The following RASAL2 variants were observed in gnomAD, a reference collection of about 807,000 sequenced individuals.
RASAL2 encodes the protein RAS protein activator like 2.
Under a neutral mutation model 128.9 loss-of-function variants are expected in RASAL2, and 58 were observed. That is an observed-to-expected ratio of 0.45 (90% CI 0.36 to 0.56). RASAL2 has a LOEUF of 0.56. RASAL2 is among the 20% of genes least tolerant of loss of function. The probability of loss-of-function intolerance (pLI) is 0.00; values close to 1 mark genes in which losing one functional copy is unlikely to be tolerated. For missense variants in RASAL2, 1,360 were observed against 1,601.6 expected, an observed-to-expected ratio of 0.85 and a Z score of 2.57; for synonymous variants, 561 against 580.8, an observed-to-expected ratio of 0.97 and a Z score of 0.49.
chr1:178,358,237 T>TTAAAAAA (rs1176010811), intron 3 of RASAL2, among the ~76,000 whole-genome samples: 5 of 34,770 alleles, frequency 1.4e-4, no homozygotes, highest in African/African-American at 3.3e-4. Context: ...CTCTGTCTCC[T>TTAAAAAA]AAAAAAAAAA....
chr1:178,400,605 GT>G (rs1673557614), intron 4 of RASAL2, among the ~76,000 whole-genome samples: 1 of 152,006 alleles, frequency 6.6e-6, no homozygotes, highest in Admixed American at 6.5e-5. Flanking sequence ...AATATTAAAT[GT>G]TTGATATTTT....
At chr1:178,457,028 A>C (rs1375133568) in intron 13 of RASAL2, 129 bp downstream of exon 13, 3 of 819,604 alleles carry the variant, frequency 3.7e-6, no homozygotes, top group Non-Finnish European at 5.6e-6. Context: ...ATCTGACCTG[A>C]GAGCAGTCCA....
intron 3 of RASAL2, among the ~76,000 whole-genome samples, chr1:178,359,416 A>G (rs982701680): frequency 6.6e-6 from 1 of 152,190 alleles, no homozygotes; most frequent in African/African-American, 2.4e-5. Flanking sequence ...AAACTTAAAT[A>G]TAGCAGGTCA....
At chr1:178,347,407 A>G (rs181221481) in intron 3 of RASAL2, among the ~76,000 whole-genome samples, 90 of 152,302 alleles carry the variant, frequency 5.9e-4, no homozygotes, top group African/African-American at 2.0e-3. Context: ...CTTATGTTAC[A>G]TTTTCTCTGA....
chr1:178,117,162 A>G (rs1659547381), intron 1 of RASAL2, among the ~76,000 whole-genome samples: 1 of 152,192 alleles, frequency 6.6e-6, no homozygotes, highest in Non-Finnish European at 1.5e-5. Context: ...AAAAATCAAA[A>G]TATTCCCTTA....
At chr1:178,462,721 G>C (rs999804387) in intron 14 of RASAL2, among the ~76,000 whole-genome samples, 1 of 152,040 alleles carries the variant, frequency 6.6e-6, no homozygotes, top group African/African-American at 2.4e-5. Flanking sequence ...CAAAGTGCTA[G>C]GATATATTAG....
At chr1:178,146,027 G>A (rs963992244) in intron 1 of RASAL2, among the ~76,000 whole-genome samples, 1 of 152,196 alleles carries the variant, frequency 6.6e-6, no homozygotes, top group Non-Finnish European at 1.5e-5. Context: ...TAGGAAAATA[G>A]CATTCTCTTC....
At chr1:178,244,871 C>T (rs1285973909) in intron 1 of RASAL2, among the ~76,000 whole-genome samples, 1 of 152,150 alleles carries the variant, frequency 6.6e-6, no homozygotes, top group Admixed American at 6.5e-5. Context: ...GTGATGGTTT[C>T]CAACTTCATC....
intron 14 of RASAL2, 73 bp downstream of exon 14, chr1:178,458,617 A>G: frequency 6.7e-7 from 1 of 1,483,250 alleles, no homozygotes; most frequent in Non-Finnish European, 9.0e-7. Context: ...TACATAAATC[A>G]TTGGGAAATC....
intron 1 of RASAL2, among the ~76,000 whole-genome samples, chr1:178,124,658 C>G (rs1336403549): frequency 6.6e-6 from 1 of 151,988 alleles, no homozygotes; most frequent in South Asian, 2.1e-4. Flanking sequence ...CCTAAGTTTT[C>G]TTTCAACAGC....
intron 1 of RASAL2, among the ~76,000 whole-genome samples, chr1:178,214,179 T>G (rs1203366236): frequency 6.6e-6 from 1 of 152,114 alleles, no homozygotes; most frequent in African/African-American, 2.4e-5. Flanking sequence ...CTGAAGCAAG[T>G]GGATCACTTG....
intron 1 of RASAL2, among the ~76,000 whole-genome samples, chr1:178,272,744 A>G (rs961816118): frequency 6.6e-6 from 1 of 152,210 alleles, no homozygotes; most frequent in Admixed American, 6.5e-5. Flanking sequence ...CCTGGCCAAC[A>G]TGGTTAAACC....
intron 14 of RASAL2, among the ~76,000 whole-genome samples, chr1:178,463,224 A>G (rs1647287956): frequency 6.6e-6 from 1 of 152,146 alleles, no homozygotes; most frequent in Admixed American, 6.5e-5. Flanking sequence ...AGGCTAACTC[A>G]CATGCCAAGT....
At chr1:178,449,041 C>T (rs1677202617) in intron 9 of RASAL2, among the ~76,000 whole-genome samples, 1 of 152,160 alleles carries the variant, frequency 6.6e-6, no homozygotes, top group South Asian at 2.1e-4. Context: ...GCTGTATTGT[C>T]TTCTTCTCGT....
chr1:178,309,379 C>T (rs761631273), intron 3 of RASAL2, among the ~76,000 whole-genome samples: 9 of 152,040 alleles, frequency 5.9e-5, no homozygotes, highest in Non-Finnish European at 1.3e-4. Context: ...TAATAGATGG[C>T]AGTGATATGC....
chr1:178,466,358 G>A (rs1647694736), intron 16 of RASAL2, among the ~76,000 whole-genome samples: 1 of 152,058 alleles, frequency 6.6e-6, no homozygotes, highest in South Asian at 2.1e-4. Context: ...AAAACTTGGT[G>A]GTTTACTTGA....
chr1:178,294,962 T>C lies in RASAL2; in HGVS notation c.331-5030T>C, dbSNP rs576914114. ...AACAGAATAGAGATACTAGTGGTCA[T>C]GTTGAGCAATGACAGAGATCTGACA... On this transcript the variant is annotated intron_variant, in intron 2 of 17. Transcript: ENST00000367649. 4.7e-4 allele frequency among the ~76,000 whole-genome samples: 72 copies of C among 152,300 alleles called. 4 individuals carry two copies. The South Asian group carries it at 0.015, about 31-fold the overall frequency.
chr1:178,132,433 T>G (rs1558071437), intron 1 of RASAL2, among the ~76,000 whole-genome samples: 1 of 152,280 alleles, frequency 6.6e-6, no homozygotes, highest in South Asian at 2.1e-4. Context: ...CTTTCTGATC[T>G]TCTGTGGGCT....
chr1:178,179,480 G>A (rs1445832881), intron 1 of RASAL2, among the ~76,000 whole-genome samples: 4 of 152,190 alleles, frequency 2.6e-5, no homozygotes, highest in Non-Finnish European at 1.5e-5. Flanking sequence ...GGAAGAAAGA[G>A]GTAGAGGAGA....
Sources: gnomAD v4.1 joint callset for allele counts (sites outside exome capture counted in the v4.1 genomes callset) on GRCh38, gnomAD v4.1.1 for gene constraint, MANE v1.5 for transcripts, NCBI Gene and HGNC (gene_info 2026-07-23, HGNC 2026-07-21) for gene names.